Variants in PODXL observed in about 807,000 individuals in gnomAD.
The protein encoded by PODXL is podocalyxin.
Under a neutral mutation model 48.9 loss-of-function variants are expected in PODXL, and 20 were observed. The observed-to-expected ratio is 0.41, with a 90% CI of 0.29 to 0.59. The LOEUF is 0.59. PODXL is among the 20% of genes least tolerant of loss of function. The pLI, the probability that PODXL is intolerant of heterozygous loss-of-function variation, is 0.31. For synonymous variants in PODXL, 295 were observed against 287.4 expected, an observed-to-expected ratio of 1.03 and a Z score of -0.27; for missense variants, 606 against 675.1, an observed-to-expected ratio of 0.90 and a Z score of 1.13.
At chr7:131,553,797 C>A (rs1584837530) in intron 1 of PODXL, among the ~76,000 whole-genome samples, 3 of 152,308 alleles carry the variant, frequency 2.0e-5, no homozygotes, top group Middle Eastern at 3.4e-3. Flanking sequence ...GATATCTTAT[C>A]ATGGTGGAAC....
At chr7:131,514,985 T>C (rs751107747) in intron 1 of PODXL, among the ~76,000 whole-genome samples, 6 of 152,184 alleles carry the variant, frequency 3.9e-5, no homozygotes, top group African/African-American at 7.2e-5. Flanking sequence ...CATTTTGAAC[T>C]GGATATTTCT....
intron 1 of PODXL, 25 bp from the exon 2 acceptor site, chr7:131,511,458 G>A: frequency 1.3e-6 from 2 of 1,598,398 alleles, no homozygotes; most frequent in East Asian, 2.2e-5. Flanking sequence ...AACAGAGAAT[G>A]GAGTTAGGGC....
intron 1 of PODXL, among the ~76,000 whole-genome samples, chr7:131,522,704 T>C (rs1316376716): frequency 6.6e-6 from 1 of 151,506 alleles, no homozygotes; most frequent in Non-Finnish European, 1.5e-5. Flanking sequence ...CTAATCTACT[T>C]CTGTCTATGG....
chr7:131,530,878 G>A (rs2116833823), intron 1 of PODXL, among the ~76,000 whole-genome samples: 1 of 152,132 alleles, frequency 6.6e-6, no homozygotes, highest in Non-Finnish European at 1.5e-5. Flanking sequence ...GACCAACATG[G>A]AGAAACCCCG....
At chr7:131,552,152 G>A (rs975429258) in intron 1 of PODXL, among the ~76,000 whole-genome samples, 6 of 152,162 alleles carry the variant, frequency 3.9e-5, no homozygotes, top group East Asian at 1.9e-4. Flanking sequence ...GGCTGAAGCC[G>A]GTTCCCCTCA....
At chr7:131,520,944 G>C (rs922230412) in intron 1 of PODXL, among the ~76,000 whole-genome samples, 1 of 152,140 alleles carries the variant, frequency 6.6e-6, no homozygotes, top group Non-Finnish European at 1.5e-5. Flanking sequence ...GAGGCGGGCC[G>C]ATCACTTGAG....
intron 1 of PODXL, among the ~76,000 whole-genome samples, chr7:131,552,888 G>A (rs1460457020): frequency 6.6e-6 from 1 of 152,132 alleles, no homozygotes; most frequent in African/African-American, 2.4e-5. Context: ...CCACGTTCAA[G>A]CAATTCTCCT....
intron 1 of PODXL, among the ~76,000 whole-genome samples, chr7:131,535,142 T>TC (rs2116842426): frequency 6.6e-6 from 1 of 152,172 alleles, no homozygotes; most frequent in African/African-American, 2.4e-5. Flanking sequence ...ATGAGATATG[T>TC]GTTATTATCT....
chr7:131,504,668 T>G (rs1033670417), intron 8 of PODXL, among the ~76,000 whole-genome samples, 160 bp from the exon 9 acceptor site: 3 of 152,148 alleles, frequency 2.0e-5, no homozygotes, highest in African/African-American at 7.2e-5. Flanking sequence ...TCATTCTGGC[T>G]CTCAGCCTGC....
chr7:131,527,533 A>G (rs543565622), intron 1 of PODXL, among the ~76,000 whole-genome samples: 2 of 152,348 alleles, frequency 1.3e-5, no homozygotes, highest in East Asian at 3.9e-4. Context: ...GTGCTGAATG[A>G]TGAGACTGGC....
At chr7:131,531,416 G>A (rs1300534906) in intron 1 of PODXL, among the ~76,000 whole-genome samples, 2 of 152,178 alleles carry the variant, frequency 1.3e-5, no homozygotes, top group Admixed American at 6.5e-5. Flanking sequence ...GAAGGCCATC[G>A]AGGAACTGAC....
At chr7:131,531,531 C>T (rs1405096419) in intron 1 of PODXL, among the ~76,000 whole-genome samples, 1 of 152,162 alleles carries the variant, frequency 6.6e-6, no homozygotes, top group Non-Finnish European at 1.5e-5. Context: ...AGTTTACCTA[C>T]GACCGCCATA....
At chr7:131,510,446 G>A in intron 2 of PODXL, 115 bp from the exon 3 acceptor site, 1 of 281,814 alleles carries the variant, frequency 3.5e-6, no homozygotes, top group South Asian at 3.2e-5. Flanking sequence ...GGAGGTGGAG[G>A]TTGCAGTGAG....
At chr7:131,520,213 T>C in intron 1 of PODXL, 2 of 389,612 alleles carry the variant, frequency 5.1e-6, no homozygotes, top group Non-Finnish European at 1.0e-5. Flanking sequence ...GAATGCACCA[T>C]CAACAATCCC....
chr7:131,514,232 T>G (rs2116798676), intron 1 of PODXL, among the ~76,000 whole-genome samples: 1 of 152,208 alleles, frequency 6.6e-6, no homozygotes, highest in East Asian at 1.9e-4. Flanking sequence ...TGGCCAACAT[T>G]GTGAAACTTC....
At chr7:131,525,407 G>A (rs1214811164) in intron 1 of PODXL, among the ~76,000 whole-genome samples, 3 of 110,918 alleles carry the variant, frequency 2.7e-5, no homozygotes, top group African/African-American at 9.7e-5. Flanking sequence ...TGGCCAACAT[G>A]GCAAAACCTC....
chr7:131,544,622 G>A (rs1438289402), intron 1 of PODXL, among the ~76,000 whole-genome samples: 2 of 152,134 alleles, frequency 1.3e-5, no homozygotes, highest in Non-Finnish European at 2.9e-5. Flanking sequence ...GCCTGGGGAG[G>A]GAGCAGCAGG....
rs1429339218 is a variant in PODXL at position 131,556,470 on chromosome 7, G to A, written c.-111C>T. 5 of 1,232,958 alleles carry A rather than the reference G, an allele frequency of 4.1e-6. No homozygotes were observed. The highest frequency in any genetic ancestry group is 4.1e-6 in the Non-Finnish European group (4 of 977,780). The allele number at this position is 1,232,958 out of a possible 1,614,324, so 76.4% of individuals were successfully genotyped here. ...CCCGGGGAGGCCTGTGGGTGGCTCC[G>A]GAGGCCAGGCTGTGGCCCGGGGCTC... On this transcript the variant is annotated 5_prime_UTR_variant, in exon 1 of 9. Transcript: ENST00000378555.
chr7:131,505,820 C>T (rs1429340464), intron 8 of PODXL, 48 bp downstream of exon 8: 2 of 1,508,760 alleles, frequency 1.3e-6, no homozygotes, highest in South Asian at 1.3e-5. Context: ...GAGGGTTCCT[C>T]TGGTGACCTG....
Sources: allele counts gnomAD v4.1 joint callset (sites outside exome capture counted in the v4.1 genomes callset), GRCh38; gene constraint gnomAD v4.1.1; transcripts MANE v1.5; gene names NCBI Gene and HGNC (gene_info 2026-07-23, HGNC 2026-07-21).